Variants in ZFYVE21 observed in about 807,000 individuals in gnomAD.
ZFYVE21 encodes the protein zinc finger FYVE-type containing 21, also known as zinc finger FYVE domain-containing protein 21.
ZFYVE21 carries 21 observed loss-of-function variants against 29.5 expected under a neutral mutation model. The observed-to-expected ratio is 0.71, with a 90% CI of 0.50 to 1.02. The LOEUF (loss-of-function observed/expected upper bound fraction) is 1.02, where lower values mean the gene tolerates loss of function less well. ZFYVE21 is among the 50% of genes least tolerant of loss of function. ZFYVE21 has a pLI of 0.00. For missense variants in ZFYVE21, 326 were observed against 335.4 expected (o/e 0.97, Z 0.22); for synonymous variants, 151 against 133.8 (o/e 1.13, Z -0.89).
In ZFYVE21 at chr14:103,726,836, CAGAAAG is replaced by C; in HGVS notation, c.184_189del (p.Arg62_Lys63del). The C allele has an allele frequency of 6.2e-7, 1 of 1,613,968 alleles. No homozygotes were observed. The highest frequency in any genetic ancestry group is 8.5e-7 in the Non-Finnish European group (1 of 1,179,982). ...GTGACGCCAAGTTTGACTTTCTCAC[CAGAAAG>C]GTGAGCTGAGGCCGCTGAGTGGGGG... On this transcript the variant is annotated inframe_deletion and splice_region_variant, in exon 2 of 7. Coordinates refer to ENST00000311141, the MANE Select transcript of ZFYVE21 (RefSeq NM_024071.4).
At chr14:103,720,914 C>T (rs919603057) in intron 1 of ZFYVE21, among the ~76,000 whole-genome samples, 2 of 152,174 alleles carry the variant, frequency 1.3e-5, no homozygotes, top group Non-Finnish European at 2.9e-5. Flanking sequence ...CCTTCACCTC[C>T]CGGGTTCAAG....
At chr14:103,720,795 A>T (rs2083866050) in intron 1 of ZFYVE21, among the ~76,000 whole-genome samples, 1 of 151,878 alleles carries the variant, frequency 6.6e-6, no homozygotes, top group African/African-American at 2.4e-5. Flanking sequence ...TGTCTGCCGC[A>T]CTGTGGAGGA....
At chr14:103,726,647 C>T in intron 1 of ZFYVE21, 145 bp from the exon 2 acceptor site, 1 of 1,026,060 alleles carries the variant, frequency 9.7e-7, no homozygotes, top group Non-Finnish European at 1.5e-6. Flanking sequence ...AGTCCACCGT[C>T]CTGCGTCACA....
intron 1 of ZFYVE21, chr14:103,726,067 C>A (rs918755728): frequency 4.6e-5 from 7 of 152,358 alleles, no homozygotes; most frequent in Non-Finnish European, 7.3e-5. Context: ...GTGAGTCTTA[C>A]AGCTTCTCTG....
At chr14:103,728,268 C>T (rs1180718839) in intron 3 of ZFYVE21, among the ~76,000 whole-genome samples, 1 of 152,204 alleles carries the variant, frequency 6.6e-6, no homozygotes, top group African/African-American at 2.4e-5. Context: ...GAGACCTTTG[C>T]CCAATAGCAC....
chr14:103,723,847 C>T (rs181851346), intron 1 of ZFYVE21, among the ~76,000 whole-genome samples: 1 of 152,314 alleles, frequency 6.6e-6, no homozygotes, highest in East Asian at 1.9e-4. Context: ...CTGCAGGCTT[C>T]CTGTGCTGCC....
intron 2 of ZFYVE21, 70 bp from the exon 3 acceptor site, chr14:103,727,676 A>G: frequency 1.3e-6 from 2 of 1,584,294 alleles, no homozygotes; most frequent in Non-Finnish European, 1.7e-6. Context: ...GTGCCAGGCC[A>G]GCCGGGGCCA....
Position 103,715,847 on chromosome 14 carries a change from C to A in ZFYVE21, c.6C>A (p.Ser2=). M[S]SEVSARRDAK... is the part of the protein sequence containing the mutation. Reference sequence around the variant, plus strand: ...CGAGAGGCTGAGGCGGCGTCATGTCCTCCGAGGTGTCCGCGCGCCGCGACG... The same window carrying A: ...CGAGAGGCTGAGGCGGCGTCATGTCATCCGAGGTGTCCGCGCGCCGCGACG... The change falls in exon 1 of 7, where the codon TCC becomes TCA. Residue 2 remains serine (S), a synonymous_variant. Transcript: ENST00000311141. 1.4e-6 allele frequency: 2 copies of A among 1,418,820 alleles called. No individual in the cohort carries two copies. The highest frequency in any genetic ancestry group is 1.8e-6 in the Non-Finnish European group (2 of 1,081,714). 87.9% of individuals were successfully genotyped at this position (1,418,820 alleles called of 1,614,324 possible).
At chr14:103,732,553 G>A (rs2083991707) in intron 5 of ZFYVE21, 67 bp from the exon 6 acceptor site, 1 of 1,501,032 alleles carries the variant, frequency 6.7e-7, no homozygotes, top group Admixed American at 2.4e-5. Flanking sequence ...CCACCGCCTT[G>A]GGGCTGGTGG....
rs768627192 is a variant in ZFYVE21, at chr14:103,732,762, G to A, written c.669G>A (p.Lys223=). ...QAVAWLVAMH[K]AAKLLYESRD... ...TGGCGTGGCTAGTGGCCATGCACAA[G>A]GTACCTGAGCCCAGGCCAGGGAGGC... Residue 223 remains lysine (K), a splice_region_variant and synonymous_variant, in exon 6 of 7, where the codon AAG becomes AAA. Coordinates refer to ENST00000311141, the MANE Select transcript of ZFYVE21 (RefSeq NM_024071.4). The A allele has an allele frequency of 2.5e-6, 4 of 1,611,788 alleles. No homozygotes were observed. Among genetic ancestry groups the A allele is most frequent in the Non-Finnish European group, 3.4e-6 (4 of 1,179,292 alleles).
intron 5 of ZFYVE21, 88 bp from the exon 6 acceptor site, chr14:103,732,531 AG>A: frequency 6.9e-7 from 1 of 1,458,076 alleles, no homozygotes; most frequent in East Asian, 2.4e-5. Context: ...GCACAAGGTT[AG>A]GATGTGCTGG....
intron 5 of ZFYVE21, 38 bp from the exon 6 acceptor site, chr14:103,732,582 C>T: frequency 2.0e-6 from 3 of 1,519,458 alleles, no homozygotes; most frequent in Non-Finnish European, 2.6e-6. Flanking sequence ...GCACTCAGGG[C>T]CTCCTTTGGG....
rs1219328447 is a variant in ZFYVE21 at position 103,718,184 on chromosome 14, T to C, written c.138+2205T>C. Among the ~76,000 whole-genome samples the C allele has an allele frequency of 2.0e-5, 3 of 152,298 alleles. No individual in the cohort carries two copies. The East Asian group carries it at 5.8e-4, about 29-fold the overall frequency. ...GGTAGAACTTGGCAGGTGGGTAACA[T>C]TGTCCTTGGCTTGGTGGCCGTGTGC... On this transcript the variant is annotated intron_variant, in intron 1 of 6. Transcript: ENST00000311141.
intron 1 of ZFYVE21, among the ~76,000 whole-genome samples, chr14:103,717,139 GTC>G (rs1463495672): frequency 6.6e-6 from 1 of 152,130 alleles, no homozygotes; most frequent in East Asian, 1.9e-4. Context: ...CTGGGGAAGT[GTC>G]TCTGGCATCT....
chr14:103,720,167 A>G (rs992910969), intron 1 of ZFYVE21, among the ~76,000 whole-genome samples: 1 of 152,136 alleles, frequency 6.6e-6, no homozygotes, highest in Non-Finnish European at 1.5e-5. Context: ...TTTACAACTC[A>G]TATCTTCCTT....
intron 1 of ZFYVE21, among the ~76,000 whole-genome samples, chr14:103,721,824 G>A (rs1028737232): frequency 1.6e-4 from 24 of 152,206 alleles, no homozygotes; most frequent in African/African-American, 5.8e-4. Context: ...TGTTCTTGGA[G>A]GTTTTAGTTT....
rs552342705 is a variant in ZFYVE21, at chr14:103,715,841, C to T, written c.-1C>T. On this transcript the variant is annotated 5_prime_UTR_variant, in exon 1 of 7. Coordinates refer to ENST00000311141, the MANE Select transcript of ZFYVE21 (RefSeq NM_024071.4). ...GCTGGCCGAGAGGCTGAGGCGGCGT[C>T]ATGTCCTCCGAGGTGTCCGCGCGCC... 19 of 1,403,590 alleles carry T rather than the reference C, an allele frequency of 1.4e-5. No homozygotes were observed. The highest frequency in any genetic ancestry group is 6.7e-5 in the East Asian group (2 of 29,888). 86.9% of individuals were successfully genotyped at this position (1,403,590 alleles called of 1,614,324 possible). A position where few individuals can be genotyped will look rare whatever the true frequency, so the allele number is the denominator to read the frequency against.
chr14:103,719,702 C>T (rs2083857641), intron 1 of ZFYVE21, among the ~76,000 whole-genome samples: 1 of 151,872 alleles, frequency 6.6e-6, no homozygotes, highest in Non-Finnish European at 1.5e-5. Context: ...GGGTAAAGCT[C>T]ACCCCTGTGA....
At position 103,715,810 on chromosome 14, in the gene ZFYVE21, G is replaced by T. The variant is rs1012693408; in HGVS notation, c.-32G>T. On this transcript the variant is annotated 5_prime_UTR_variant, in exon 1 of 7. Transcript: ENST00000311141. Reference sequence around the variant, plus strand: ...CCGGGCTGGGCGAGGGGCCGGGTGCGGGGCCGCTGGCCGAGAGGCTGAGGC... The same window carrying T: ...CCGGGCTGGGCGAGGGGCCGGGTGCTGGGCCGCTGGCCGAGAGGCTGAGGC... The T allele has an allele frequency of 7.6e-7, 1 of 1,324,158 alleles. No individual in the cohort carries two copies. Among genetic ancestry groups the T allele is most frequent in the Non-Finnish European group, 9.7e-7 (1 of 1,030,242 alleles). The allele number at this position is 1,324,158 out of a possible 1,614,324, so 82.0% of individuals were successfully genotyped here.
Sources: gnomAD v4.1 joint callset for allele counts (sites outside exome capture counted in the v4.1 genomes callset) on GRCh38, gnomAD v4.1.1 for gene constraint, MANE v1.5 for transcripts, NCBI Gene and HGNC (gene_info 2026-07-23, HGNC 2026-07-21) for gene names.